MAP3K7CL: variants seen among roughly 807,000 people sequenced by gnomAD.
MAP3K7CL encodes MAP3K7 C-terminal like, also known as MAP3K7 C-terminal-like protein.
Under a neutral mutation model 18.6 loss-of-function variants are expected in MAP3K7CL, and 16 were observed. The ratio of observed to expected loss-of-function variants is 0.86; its 90% confidence interval spans 0.58 to 1.31. The LOEUF (loss-of-function observed/expected upper bound fraction) is 1.31. Among genes scored for constraint, MAP3K7CL ranks in the 50% most tolerant of loss-of-function variants. The pLI, the probability that MAP3K7CL is intolerant of heterozygous loss-of-function variation, is 0.00. For synonymous variants in MAP3K7CL, 65 were observed against 66.8 expected (o/e 0.97, Z 0.13); for missense variants, 163 against 174.4 (o/e 0.93, Z 0.37).
chr21:29,160,734 C>T (rs1393344694), intron 4 of MAP3K7CL, among the ~76,000 whole-genome samples: 3 of 152,142 alleles, frequency 2.0e-5, no homozygotes, highest in Non-Finnish European at 4.4e-5. Flanking sequence ...CATTTATTAA[C>T]GAGATATCTT....
chr21:29,110,636 A>T (rs1287048873), intron 4 of MAP3K7CL, among the ~76,000 whole-genome samples: 1 of 151,966 alleles, frequency 6.6e-6, no homozygotes, highest in African/African-American at 2.4e-5. Flanking sequence ...ATCTCAAATG[A>T]TCCACCCCCG....
In MAP3K7CL at chr21:29,130,765, G is replaced by A. The variant is rs1230054330; in HGVS notation, c.-198G>A. The A allele has an allele frequency of 3.0e-6, 3 of 985,444 alleles. No homozygotes were observed. The East Asian group carries it at 3.4e-4, about 112-fold the overall frequency. 61.0% of individuals were successfully genotyped at this position (985,444 alleles called of 1,614,324 possible). ...TCTGGGGCAGAGCAGGTAGCAGCGT[G>A]CTGCCCTGACAGCTGTCTCCGCTCC... On this transcript the variant is annotated 5_prime_UTR_variant, in exon 1 of 5. Coordinates refer to ENST00000399928, the MANE Select transcript of MAP3K7CL (RefSeq NM_001286620.2).
At position 29,143,137 on chromosome 21, in the gene MAP3K7CL, C is replaced by A. The variant is rs549629516; in HGVS notation, c.71-6052C>A. 6.6e-5 allele frequency among the ~76,000 whole-genome samples: 10 copies of A among 152,256 alleles called. No individual in the cohort carries two copies. In the South Asian group the frequency reaches 2.1e-3, roughly 31 times the overall value. Reference sequence around the variant, plus strand: ...ACTTCATAATTTGCAGGACATGGTGCAAAATGAAAATGCAGGGTTCCTCAT... The same window carrying A: ...ACTTCATAATTTGCAGGACATGGTGAAAAATGAAAATGCAGGGTTCCTCAT... On this transcript the variant is annotated intron_variant, in intron 2 of 4. Coordinates refer to ENST00000399928, the MANE Select transcript of MAP3K7CL (RefSeq NM_001286620.2).
At chr21:29,095,931 A>G (rs1568932311) in intron 4 of MAP3K7CL, among the ~76,000 whole-genome samples, 1 of 152,236 alleles carries the variant, frequency 6.6e-6, no homozygotes, top group Non-Finnish European at 1.5e-5. Flanking sequence ...TGATAGTATC[A>G]GCTGTTTAAG....
intron 2 of MAP3K7CL, 61 bp downstream of exon 2, chr21:29,133,475 C>G: frequency 7.8e-7 from 1 of 1,287,010 alleles, no homozygotes; most frequent in African/African-American, 1.5e-5. Flanking sequence ...AGCATCTTTT[C>G]TAATGCCACG....
intron 4 of MAP3K7CL, among the ~76,000 whole-genome samples, chr21:29,095,252 G>A (rs866261740): frequency 6.6e-6 from 1 of 152,042 alleles, no homozygotes; most frequent in Non-Finnish European, 1.5e-5. Context: ...GAGGCTGTCT[G>A]TTGGGGGCCT....
intron 4 of MAP3K7CL, among the ~76,000 whole-genome samples, chr21:29,110,399 G>C (rs756546669): frequency 1.1e-4 from 17 of 151,544 alleles, no homozygotes; most frequent in Non-Finnish European, 1.9e-4. Context: ...TTTTATCTCT[G>C]TATCTTTTTT....
intron 4 of MAP3K7CL, among the ~76,000 whole-genome samples, chr21:29,121,572 G>C (rs534529403): frequency 6.6e-6 from 1 of 151,980 alleles, no homozygotes; most frequent in South Asian, 2.1e-4. Flanking sequence ...GTTGGCATTT[G>C]GTCCTTTCTT....
chr21:29,091,602 A>G, intron 2 of MAP3K7CL: 1 of 700,680 alleles, frequency 1.4e-6, no homozygotes, highest in Non-Finnish European at 2.6e-6. Flanking sequence ...CAGCCCCTCA[A>G]GTAACTGGGA....
chr21:29,128,241 T>C (rs2086713056), upstream of MAP3K7CL: 1 of 152,158 alleles, frequency 6.6e-6, no homozygotes. Flanking sequence ...CTGAAGAAAG[T>C]GATACTTTTG....
At position 29,144,491 on chromosome 21, in the gene MAP3K7CL, G is replaced by T. The variant is rs373414143; in HGVS notation, c.71-4698G>T. Among the ~76,000 whole-genome samples the T allele has an allele frequency of 3.4e-4, 52 of 152,306 alleles. 1 individual carries two copies. Among genetic ancestry groups the T allele is most frequent in the African/African-American group, 1.3e-3 (52 of 41,570 alleles). ...GAATATTTTAGGGAAAATTTTACTG[G>T]TTCATGAAATACGAGTCTGAGAACC... On this transcript the variant is annotated intron_variant, in intron 2 of 4. Coordinates refer to ENST00000399928, the MANE Select transcript of MAP3K7CL (RefSeq NM_001286620.2).
At chr21:29,130,570 C>A, upstream of MAP3K7CL, 1 of 984,510 alleles carries the variant, frequency 1.0e-6, no homozygotes, top group Non-Finnish European at 1.2e-6. Context: ...ATTTGGACTC[C>A]CCACAACTTG....
intron 4 of MAP3K7CL, chr21:29,122,023 A>G (rs761691076): frequency 2.6e-5 from 4 of 152,140 alleles, no homozygotes; most frequent in Non-Finnish European, 4.4e-5. Flanking sequence ...CCAAGTGTAC[A>G]CTACAGAATG....
intron 4 of MAP3K7CL, among the ~76,000 whole-genome samples, chr21:29,169,025 A>T (rs116998400): frequency 2.6e-5 from 4 of 152,178 alleles, no homozygotes; most frequent in Admixed American, 6.5e-5. Flanking sequence ...AATTCTCCAC[A>T]CCTGCCCCAC....
At chr21:29,135,178 C>T (rs1488205804) in intron 2 of MAP3K7CL, among the ~76,000 whole-genome samples, 1 of 152,180 alleles carries the variant, frequency 6.6e-6, no homozygotes, top group African/African-American at 2.4e-5. Flanking sequence ...GTTCTGAACT[C>T]AGGGCCCTAG....
chr21:29,083,810 G>T (rs1335346158), upstream of MAP3K7CL, among the ~76,000 whole-genome samples: 2 of 151,572 alleles, frequency 1.3e-5, no homozygotes, highest in Non-Finnish European at 2.9e-5. Flanking sequence ...GCCACATAAA[G>T]TTCTTTATGG....
At chr21:29,098,615 G>A (rs140480922) in intron 4 of MAP3K7CL, among the ~76,000 whole-genome samples, 2 of 152,176 alleles carry the variant, frequency 1.3e-5, no homozygotes, top group Non-Finnish European at 2.9e-5. Context: ...GAAAAGGGAG[G>A]TATTATAATT....
chr21:29,090,436 A>T (rs944788788), intron 1 of MAP3K7CL, among the ~76,000 whole-genome samples: 34 of 151,954 alleles, frequency 2.2e-4, no homozygotes, highest in Middle Eastern at 3.4e-3. Flanking sequence ...GCTGGAGTGC[A>T]GTGGTGCAAT....
Position 29,110,478 on chromosome 21 carries a change from C to T in MAP3K7CL, c.370+17897C>T, listed in dbSNP as rs1419752768. 2.6e-5 allele frequency among the ~76,000 whole-genome samples: 4 copies of T among 152,182 alleles called. No homozygotes were observed. In the South Asian group the frequency reaches 8.3e-4, roughly 32 times the overall value. ...GTGGCGTGATCTCAGCTCACTGCAA[C>T]CTCCACCTCCCCAGTTCAAGCAATC... On this transcript the variant is annotated intron_variant, in intron 4 of 6. Transcript: ENST00000286791.
Sources: gnomAD v4.1 joint callset for allele counts (sites outside exome capture counted in the v4.1 genomes callset) on GRCh38, gnomAD v4.1.1 for gene constraint, MANE v1.5 for transcripts, NCBI Gene and HGNC (gene_info 2026-07-23, HGNC 2026-07-21) for gene names.